HSD17B12: variants seen among roughly 807,000 people sequenced by gnomAD.
HSD17B12 encodes hydroxysteroid 17-beta dehydrogenase 12.
A neutral mutation model predicts 39.3 loss-of-function variants in HSD17B12; 32 were observed. The ratio of observed to expected loss-of-function variants is 0.81; its 90% CI spans 0.61 to 1.09. The LOEUF (loss-of-function observed/expected upper bound fraction) is 1.09, where lower values mean the gene tolerates loss of function less well. HSD17B12 is among the 50% of genes least tolerant of loss of function. The probability of loss-of-function intolerance (pLI) is 0.00; values close to 1 mark genes in which losing one functional copy is unlikely to be tolerated. For missense variants in HSD17B12, 342 were observed against 382.9 expected, an observed-to-expected ratio of 0.89 and a Z score of 0.89; for synonymous variants, 150 against 146.7, an observed-to-expected ratio of 1.02 and a Z score of -0.16.
the HSD17B12 span, among the ~76,000 whole-genome samples, chr11:43,616,963 CTCTA>C: frequency 6.8e-6 from 1 of 146,180 alleles, no homozygotes; most frequent in Non-Finnish European, 1.5e-5. Context: ...CAGAACAAGA[CTCTA>C]TCTCAAATTA....
intron 1 of HSD17B12, among the ~76,000 whole-genome samples, chr11:43,726,156 G>T (rs1354241894): frequency 6.6e-6 from 1 of 152,088 alleles, no homozygotes; most frequent in Non-Finnish European, 1.5e-5. Context: ...CTAGTCTAAG[G>T]ATTTGGTATT....
the HSD17B12 span, among the ~76,000 whole-genome samples, chr11:43,618,875 A>C: frequency 1.3e-5 from 2 of 151,966 alleles, no homozygotes; most frequent in Non-Finnish European, 2.9e-5. Flanking sequence ...CAAGGTTAAA[A>C]ATAAAGGACC....
intron 1 of HSD17B12, among the ~76,000 whole-genome samples, chr11:43,748,790 T>C (rs1392048238): frequency 6.6e-6 from 1 of 152,188 alleles, no homozygotes; most frequent in Non-Finnish European, 1.5e-5. Flanking sequence ...CTTTGGAAGA[T>C]GCCAGAGTAC....
chr11:43,578,872 A>G, the HSD17B12 span: 1 of 151,948 alleles, frequency 6.6e-6, no homozygotes, highest in Non-Finnish European at 1.5e-5. Flanking sequence ...GGCACAATGC[A>G]CAAGTTTACC....
chr11:43,787,699 T>G (rs1486336692), intron 3 of HSD17B12, among the ~76,000 whole-genome samples: 1 of 149,462 alleles, frequency 6.7e-6, no homozygotes, highest in East Asian at 2.0e-4. Context: ...ATTGCACCAC[T>G]GCACTCCAGT....
At chr11:43,714,196 C>A (rs1279682353) in intron 1 of HSD17B12, among the ~76,000 whole-genome samples, 2 of 152,158 alleles carry the variant, frequency 1.3e-5, no homozygotes, top group East Asian at 1.9e-4. Flanking sequence ...GAAGTCCTTG[C>A]CCATGCCTAT....
chr11:43,684,833 T>C (rs1350916718), intron 1 of HSD17B12, among the ~76,000 whole-genome samples: 1 of 152,230 alleles, frequency 6.6e-6, no homozygotes, highest in Non-Finnish European at 1.5e-5. Context: ...AAAGAAATGC[T>C]GTACCCATTA....
chr11:43,706,923 A>C (rs979304502), intron 1 of HSD17B12, among the ~76,000 whole-genome samples: 2 of 152,094 alleles, frequency 1.3e-5, no homozygotes, highest in African/African-American at 2.4e-5. Context: ...AATTTTGAAA[A>C]TTTTATGCCT....
intron 4 of HSD17B12, among the ~76,000 whole-genome samples, chr11:43,811,237 T>G (rs190747739): frequency 1.2e-3 from 182 of 152,346 alleles, no homozygotes; most frequent in Non-Finnish European, 2.3e-3. Flanking sequence ...TGGAAATAAC[T>G]ATTTGAGAGC....
At chr11:43,702,796 A>G (rs1242395494) in intron 1 of HSD17B12, among the ~76,000 whole-genome samples, 1 of 151,904 alleles carries the variant, frequency 6.6e-6, no homozygotes, top group Non-Finnish European at 1.5e-5. Flanking sequence ...CTAAAACATG[A>G]GATTTTTTTT....
chr11:43,653,452 C>A, the HSD17B12 span, among the ~76,000 whole-genome samples: 1 of 151,984 alleles, frequency 6.6e-6, no homozygotes, highest in Admixed American at 6.6e-5. Context: ...GCACAACTTG[C>A]AGCTTTGTTA....
At chr11:43,738,203 CTT>C (rs1950334486) in intron 1 of HSD17B12, among the ~76,000 whole-genome samples, 1 of 151,434 alleles carries the variant, frequency 6.6e-6, no homozygotes, top group African/African-American at 2.4e-5. Context: ...AAAATCATCA[CTT>C]GTCTCTTTTT....
At chr11:43,833,788 T>A (rs998454212) in intron 7 of HSD17B12, 11 of 152,202 alleles carry the variant, frequency 7.2e-5, no homozygotes, top group African/African-American at 1.9e-4. Flanking sequence ...TGGGAGATTT[T>A]CCAAACCCTC....
the HSD17B12 span, among the ~76,000 whole-genome samples, chr11:43,631,169 A>G: frequency 2.0e-5 from 3 of 152,176 alleles, no homozygotes; most frequent in Non-Finnish European, 4.4e-5. Flanking sequence ...GGTTTCTTGG[A>G]CACATGGCTT....
chr11:43,755,775 C>G (rs914600346), intron 3 of HSD17B12, among the ~76,000 whole-genome samples: 3 of 152,146 alleles, frequency 2.0e-5, no homozygotes, highest in Non-Finnish European at 4.4e-5. Context: ...CATAGCTGGT[C>G]CTATTGGACA....
intron 9 of HSD17B12, among the ~76,000 whole-genome samples, chr11:43,850,206 T>C (rs2135146249): frequency 6.6e-6 from 1 of 152,342 alleles, no homozygotes; most frequent in Non-Finnish European, 1.5e-5. Context: ...AGGGCCTTTA[T>C]ATGGAAAAGC....
At chr11:43,849,496 CTT>C (rs1390022260) in intron 9 of HSD17B12, among the ~76,000 whole-genome samples, 1 of 152,154 alleles carries the variant, frequency 6.6e-6, no homozygotes, top group Non-Finnish European at 1.5e-5. Context: ...TCTGGAAACA[CTT>C]TGAGGATGCC....
the HSD17B12 span, among the ~76,000 whole-genome samples, chr11:43,570,565 C>A: frequency 6.6e-6 from 1 of 152,168 alleles, no homozygotes; most frequent in African/African-American, 2.4e-5. Context: ...CAGATCCACC[C>A]TGTTAGGCCC....
intron 3 of HSD17B12, among the ~76,000 whole-genome samples, chr11:43,777,589 G>A (rs964071221): frequency 3.3e-5 from 5 of 152,090 alleles, no homozygotes; most frequent in South Asian, 2.1e-4. Context: ...CTAATTGAAT[G>A]CCCTTTATTT....
Sources: gnomAD v4.1 joint callset for allele counts (sites outside exome capture counted in the v4.1 genomes callset) on GRCh38, gnomAD v4.1.1 for gene constraint, MANE v1.5 for transcripts, NCBI Gene and HGNC (gene_info 2026-07-23, HGNC 2026-07-21) for gene names.